Variants in FMN1 observed in about 807,000 individuals in gnomAD.
FMN1 encodes the protein formin 1.
FMN1 carries 110 observed loss-of-function variants against 132.4 expected under a neutral mutation model. The observed-to-expected ratio is 0.83, with a 90% confidence interval of 0.71 to 0.97. The LOEUF is 0.97. Among genes scored for constraint, FMN1 ranks in the 50% least tolerant of loss-of-function variants. FMN1 has a pLI of 0.00. For missense variants in FMN1, 1,792 were observed against 1,705.3 expected (o/e 1.05, Z -0.90); for synonymous variants, 722 against 651.7 (o/e 1.11, Z -1.64).
chr15:33,126,787 A>G (rs1185052658), intron 4 of FMN1, among the ~76,000 whole-genome samples: 1 of 152,096 alleles, frequency 6.6e-6, no homozygotes, highest in Non-Finnish European at 1.5e-5. Context: ...GCCAGTTTGC[A>G]GGGCCATGAA....
chr15:33,054,560 G>A (rs2037130044), intron 6 of FMN1, among the ~76,000 whole-genome samples: 1 of 152,152 alleles, frequency 6.6e-6, no homozygotes, highest in Non-Finnish European at 1.5e-5. Flanking sequence ...ATTTCATACT[G>A]AGAAGCAAGA....
At chr15:32,896,006 T>C (rs867099594) in intron 15 of FMN1, among the ~76,000 whole-genome samples, 2 of 152,260 alleles carry the variant, frequency 1.3e-5, no homozygotes, top group South Asian at 2.1e-4. Flanking sequence ...CATGTCTTAT[T>C]GATTTTATTT....
At position 32,776,825 on chromosome 15, in the gene FMN1, T is replaced by C. The variant is rs1176961830; in HGVS notation, c.4215+10A>G. On this transcript the variant is annotated intron_variant, in intron 20 of 20. Coordinates refer to ENST00000616417, the MANE Select transcript of FMN1 (RefSeq NM_001277313.2). Reference sequence around the variant, plus strand: ...ACAATCGTTAGATTATGTTGAAAAATATATCTCACCAGGCTAGCAGTGGGA... The same window carrying C: ...ACAATCGTTAGATTATGTTGAAAAACATATCTCACCAGGCTAGCAGTGGGA... 5 of 1,535,140 alleles carry C rather than the reference T, an allele frequency of 3.3e-6. No individual in the cohort carries two copies. The highest frequency in any genetic ancestry group is 1.4e-5 in the African/African-American group (1 of 73,542).
intron 15 of FMN1, among the ~76,000 whole-genome samples, chr15:32,893,065 T>C (rs1171503810): frequency 2.6e-5 from 4 of 152,230 alleles, no homozygotes; most frequent in African/African-American, 7.2e-5. Flanking sequence ...TTTATCACTA[T>C]GTTTTCTTGT....
chr15:32,784,868 C>T (rs2056798832), intron 19 of FMN1, among the ~76,000 whole-genome samples: 1 of 152,022 alleles, frequency 6.6e-6, no homozygotes, highest in Non-Finnish European at 1.5e-5. Context: ...GCTTGAGTTC[C>T]CTGATTTCTG....
At chr15:33,114,663 G>C (rs72721481) in intron 4 of FMN1, among the ~76,000 whole-genome samples, 10 of 152,286 alleles carry the variant, frequency 6.6e-5, no homozygotes, top group Non-Finnish European at 1.3e-4. Context: ...TTCTTTTGGA[G>C]AGAGCCTGTG....
chr15:32,955,702 G>A (rs749522441), intron 9 of FMN1, among the ~76,000 whole-genome samples: 2 of 152,126 alleles, frequency 1.3e-5, no homozygotes, highest in Non-Finnish European at 2.9e-5. Flanking sequence ...AGCATATCCT[G>A]TACTTTTTTG....
At chr15:33,180,667 C>T (rs1965664856) in intron 2 of FMN1, among the ~76,000 whole-genome samples, 1 of 150,410 alleles carries the variant, frequency 6.6e-6, no homozygotes, top group South Asian at 2.1e-4. Context: ...TGAGAACAAT[C>T]ATTTAAAACA....
intron 7 of FMN1, among the ~76,000 whole-genome samples, chr15:32,980,718 TTTCC>T (rs1277755108): frequency 1.3e-5 from 2 of 152,184 alleles, no homozygotes; most frequent in Admixed American, 6.5e-5. Flanking sequence ...ACTGGTCTAT[TTTCC>T]TTCCTTTTCT....
At chr15:33,042,724 T>A (rs932370871) in intron 6 of FMN1, among the ~76,000 whole-genome samples, 2 of 152,034 alleles carry the variant, frequency 1.3e-5, no homozygotes, top group African/African-American at 4.8e-5. Flanking sequence ...TACATTACTT[T>A]GGTTTCACAA....
chr15:33,193,178 G>C (rs544272085), intron 2 of FMN1, among the ~76,000 whole-genome samples: 11 of 152,200 alleles, frequency 7.2e-5, no homozygotes, highest in African/African-American at 2.6e-4. Flanking sequence ...TGATCAAGAA[G>C]ACCCGAGACC....
intron 2 of FMN1, among the ~76,000 whole-genome samples, chr15:33,182,655 A>T (rs1343866272): frequency 2.6e-5 from 4 of 152,188 alleles, no homozygotes; most frequent in Non-Finnish European, 4.4e-5. Context: ...GATACCATGC[A>T]TCTCAGCGGG....
chr15:33,082,780 G>A (rs980949365), intron 5 of FMN1, among the ~76,000 whole-genome samples: 2 of 151,938 alleles, frequency 1.3e-5, no homozygotes, highest in African/African-American at 4.8e-5. Context: ...GCTACCCAAG[G>A]GCAATTCACA....
chr15:32,993,912 T>TGCG (rs2033599810), intron 7 of FMN1, among the ~76,000 whole-genome samples: 1 of 86,974 alleles, frequency 1.1e-5, no homozygotes, highest in Admixed American at 1.4e-4. Flanking sequence ...GGGGGCGGGG[T>TGCG]GGGGGGGGTC....
At chr15:33,089,146 C>A (rs917251625) in intron 4 of FMN1, among the ~76,000 whole-genome samples, 172 bp from the exon 5 acceptor site, 1 of 152,320 alleles carries the variant, frequency 6.6e-6, no homozygotes, top group Non-Finnish European at 1.5e-5. Flanking sequence ...CCGACAATTT[C>A]TAGATCACAC....
chr15:33,189,466 C>T (rs901750981), intron 2 of FMN1, among the ~76,000 whole-genome samples: 1 of 152,118 alleles, frequency 6.6e-6, no homozygotes, highest in Non-Finnish European at 1.5e-5. Flanking sequence ...AATTCTAATG[C>T]CTAAAAAAGC....
intron 6 of FMN1, among the ~76,000 whole-genome samples, chr15:33,041,519 A>AT (rs1329344635): frequency 6.7e-6 from 1 of 149,752 alleles, no homozygotes; most frequent in African/African-American, 2.4e-5. Context: ...TTTGTGTTTT[A>AT]TTTTCTAATG....
chr15:33,156,273 GTTTTTTTT>G (rs59517614), intron 3 of FMN1, among the ~76,000 whole-genome samples: 204 of 87,248 alleles, frequency 2.3e-3, no homozygotes, highest in African/African-American at 8.6e-3. Context: ...CACTCAAGTA[GTTTTTTTT>G]TTTTTTTTTT....
rs147987033 is a variant in FMN1 at position 33,077,509 on chromosome 15, C to T, written c.2043+11290G>A. On this transcript the variant is annotated intron_variant, in intron 5 of 20. Transcript: ENST00000616417. ...AGGTATATCTCATAATGCTATCCCT[C>T]CCCCTTCCCCTGACTCCACAACAGG... Among the ~76,000 whole-genome samples the T allele has an allele frequency of 5.1e-3, 771 of 151,920 alleles. 5 individuals are homozygous for T. The highest frequency in any genetic ancestry group is 0.015 in the African/African-American group (641 of 41,466).
Sources: allele counts gnomAD v4.1 joint callset (sites outside exome capture counted in the v4.1 genomes callset), GRCh38; gene constraint gnomAD v4.1.1; transcripts MANE v1.5; gene names NCBI Gene and HGNC (gene_info 2026-07-23, HGNC 2026-07-21).